ACAN: variants seen among roughly 807,000 people sequenced by gnomAD.
ACAN encodes the protein aggrecan core protein.
Under a neutral mutation model 169.1 loss-of-function variants are expected in ACAN, and 47 were observed. That is an observed-to-expected ratio of 0.28 (90% CI 0.22 to 0.35). The LOEUF (loss-of-function observed/expected upper bound fraction) is 0.35. ACAN is among the 10% of genes least tolerant of loss of function. The pLI, the probability that ACAN is intolerant of heterozygous loss-of-function variation, is 1.00. For synonymous variants in ACAN, 1,115 were observed against 1,112.2 expected, an observed-to-expected ratio of 1.00 and a Z score of -0.05; for missense variants, 2,716 against 2,759.9, an observed-to-expected ratio of 0.98 and a Z score of 0.36.
Position 88,843,496 on chromosome 15 carries a change from G to T in ACAN, c.899G>T (p.Gly300Val). The change falls in exon 6 of 19, where the codon GGC (glycine) becomes GTC (valine). Residue 300 changes from glycine to valine, a missense_variant. Physicochemically the swap from Gly to Val is moderately radical, Grantham distance 109 (BLOSUM62 -3). Transcript: ENST00000560601. This position sits in a 1 kb window ranked among gnomAD's most constrained non-coding sequence, Gnocchi z 4.0. ...GCTGGCATGGACATGTGCAGCGCCG[G>T]CTGGCTGGCCGACCGCAGCGTGCGC... Reference protein sequence around the residue: ...WQAGMDMCSAGWLADRSVRYP... With the variant: ...WQAGMDMCSAVWLADRSVRYP... The T allele has an allele frequency of 6.2e-7, 1 of 1,612,164 alleles. No homozygotes were observed.
chr15:88,862,183 G>C (rs1897207586), intron 13 of ACAN, among the ~76,000 whole-genome samples: 1 of 152,218 alleles, frequency 6.6e-6, no homozygotes, highest in African/African-American at 2.4e-5. Context: ...TGAGGAATCT[G>C]AGGTGGTCGG....
At chr15:88,836,337 C>G in intron 2 of ACAN, 61 bp downstream of exon 2, 1 of 1,422,542 alleles carries the variant, frequency 7.0e-7, no homozygotes, top group Middle Eastern at 1.7e-4. Context: ...GGTTTGAGTA[C>G]TGGGTACTGA....
chr15:88,828,049 A>G (rs12905259), intron 1 of ACAN, among the ~76,000 whole-genome samples: 115,764 of 152,066 alleles, frequency 0.76, 44,919 homozygotes, highest in African/African-American at 0.91. Context: ...CCACAAGCCA[A>G]GATGAGTCTG....
Position 88,868,239 on chromosome 15 carries a change from C to T in ACAN, c.6970C>T (p.Pro2324Ser), listed in dbSNP as rs1192983551. The T allele has an allele frequency of 2.8e-6, 2 of 702,750 alleles. No individual in the cohort carries two copies. Among genetic ancestry groups the T allele is most frequent in the Non-Finnish European group, 5.2e-6 (2 of 384,834 alleles). The allele number at this position is 702,750 out of a possible 1,614,324, so 43.5% of individuals were successfully genotyped here. A position where few individuals can be genotyped will look rare whatever the true frequency, so the allele number is the denominator to read the frequency against. ...NIDIDECLSS[P>S]CLNGATCVDA... is the part of the protein sequence containing the mutation. ...AGACATTGATGAGTGCCTCTCAAGC[C>T]CTTGTCTGAATGGAGCCACCTGCGT... The change falls in exon 14 of 19, where the codon CCT becomes TCT. Residue 2324 changes from proline (P) to serine (S), a missense_variant. Physicochemically the swap from Pro to Ser is moderately conservative, Grantham distance 74. This residue lies in a region of ACAN where 1,389 missense variants were observed against 1,363.7 expected (regional missense o/e 1.02). Coordinates refer to ENST00000560601, the MANE Select transcript of ACAN (RefSeq NM_001369268.1). This position sits in a 1 kb window ranked among gnomAD's most constrained non-coding sequence, Gnocchi z 5.2.
rs1897423017 is a variant in ACAN, at chr15:88,873,108, G to T, written c.7447+83G>T. On this transcript the variant is annotated intron_variant, in intron 17 of 18. Transcript: ENST00000560601. This position sits in a 1 kb window ranked among gnomAD's most constrained non-coding sequence, Gnocchi z 7.5. ...GTGAGGCTCTTGCTGTGTGGCCTGG[G>T]GTGAGTCCCTTGTCTTCTGGCTGCT... 6.6e-7 allele frequency: 1 copy of T among 1,506,034 alleles called. No individual in the cohort carries two copies. The highest frequency in any genetic ancestry group is 1.4e-5 in the African/African-American group (1 of 72,590). 93.3% of individuals were successfully genotyped at this position (1,506,034 alleles called of 1,614,324 possible).
At position 88,803,604 on chromosome 15, in the gene ACAN, T is replaced by A. The variant is rs1045763083; in HGVS notation, c.-213T>A. 6.6e-6 allele frequency: 1 copy of A among 151,976 alleles called. No individual in the cohort carries two copies. The highest frequency in any genetic ancestry group is 2.4e-5 in the African/African-American group (1 of 41,326). 9.4% of individuals were successfully genotyped at this position (151,976 alleles called of 1,614,324 possible). ...GTCCATTCCCTCAGCCAGCCAGGACTCCGCAACCCAGCAGTTGCCGCTGCG... is the reference window on the plus strand; with the variant it reads ...GTCCATTCCCTCAGCCAGCCAGGACACCGCAACCCAGCAGTTGCCGCTGCG... On this transcript the variant is annotated 5_prime_UTR_variant, in exon 1 of 19. Coordinates refer to ENST00000560601, the MANE Select transcript of ACAN (RefSeq NM_001369268.1).
intron 1 of ACAN, among the ~76,000 whole-genome samples, chr15:88,828,978 A>G (rs953867185): frequency 6.6e-5 from 10 of 152,200 alleles, no homozygotes; most frequent in African/African-American, 2.4e-4. Flanking sequence ...CTGTCTTAGC[A>G]CAGAGCTGCT....
At chr15:88,819,398 G>A (rs1036407964) in intron 1 of ACAN, among the ~76,000 whole-genome samples, 3 of 152,050 alleles carry the variant, frequency 2.0e-5, no homozygotes, top group Non-Finnish European at 4.4e-5. Flanking sequence ...TGTTGAACTC[G>A]CTCCATGTGG....
At position 88,871,682 on chromosome 15, in the gene ACAN, C is replaced by A. The variant is rs2141639231; in HGVS notation, c.7219+142C>A. The A allele has an allele frequency of 1.6e-6, 2 of 1,226,976 alleles. No homozygotes were observed. The highest frequency in any genetic ancestry group is 1.1e-6 in the Non-Finnish European group (1 of 900,814). The allele number at this position is 1,226,976 out of a possible 1,614,324, so 76.0% of individuals were successfully genotyped here. A position where few individuals can be genotyped will look rare whatever the true frequency, so the allele number is the denominator to read the frequency against. On this transcript the variant is annotated intron_variant, in intron 15 of 18. Coordinates refer to ENST00000560601, the MANE Select transcript of ACAN (RefSeq NM_001369268.1). The surrounding 1 kb of genome is among the most constrained non-coding windows in gnomAD (Gnocchi z 7.8). ...GGAGGGGGAACAGTGTTCCCACAGT[C>A]TGAGCTCCCAGAGAGAAGACAACGG... is the stretch of plus-strand genomic sequence containing the variant.
At position 88,857,572 on chromosome 15, in the gene ACAN, G is replaced by A; in HGVS notation, c.4987G>A (p.Asp1663Asn). The A allele has an allele frequency of 6.2e-7, 1 of 1,613,944 alleles. No homozygotes were observed. Among genetic ancestry groups the A allele is most frequent in the Non-Finnish European group, 8.5e-7 (1 of 1,179,908 alleles). The change falls in exon 12 of 19, where the codon GAT becomes AAT. Residue 1663 changes from aspartate (D) to asparagine (N), a missense_variant. Physicochemically the swap from Asp to Asn is conservative, Grantham distance 23. Around this residue, in one of 3 missense-constraint regions of ACAN, gnomAD observed 1,389 missense variants for 1,363.7 expected, o/e 1.02. Transcript: ENST00000560601. The stretch of plus-strand genomic sequence containing the variant: ...TGGATTCCCAACTGTTTCCCTAGTG[G>A]ATTCTACATTGGTGGAAGTGGTCAC... ...PSGFPTVSLV[D>N]STLVEVVTAS...
chr15:88,849,218 T>C lies in ACAN; in HGVS notation c.1733-220T>C, dbSNP rs1263394634. 2.6e-5 allele frequency among the ~76,000 whole-genome samples: 4 copies of C among 152,204 alleles called. No homozygotes were observed. The East Asian group carries it at 7.7e-4, about 29-fold the overall frequency. On this transcript the variant is annotated intron_variant, in intron 9 of 18. Transcript: ENST00000560601. This position sits in a 1 kb window ranked among gnomAD's most constrained non-coding sequence, Gnocchi z 5.1. ...GCCTTTTTTGGCACCGAAAGTCCTA[T>C]GTACCGGGAAACCCCAGTCCAGTAC...
chr15:88,842,383 GT>G (rs1216119394), intron 5 of ACAN, among the ~76,000 whole-genome samples: 5 of 152,160 alleles, frequency 3.3e-5, no homozygotes, highest in Non-Finnish European at 7.4e-5. Flanking sequence ...TTTCTGTTTT[GT>G]AAAGGGCACC....
At chr15:88,859,676 A>T (rs1425209270) in intron 12 of ACAN, among the ~76,000 whole-genome samples, 1 of 152,260 alleles carries the variant, frequency 6.6e-6, no homozygotes, top group African/African-American at 2.4e-5. Flanking sequence ...CTCTGCATGC[A>T]GTGCACACTT....
chr15:88,822,136 C>T (rs1896092413), intron 1 of ACAN, among the ~76,000 whole-genome samples: 1 of 152,202 alleles, frequency 6.6e-6, no homozygotes, highest in Admixed American at 6.5e-5. Flanking sequence ...TCCAGTCCCT[C>T]CAGAGGTCAG....
Position 88,858,898 on chromosome 15 carries a change from G to A in ACAN, c.6313G>A (p.Ala2105Thr), listed in dbSNP as rs755552903. 3.5e-5 allele frequency: 57 copies of A among 1,609,084 alleles called. No homozygotes were observed. The highest frequency in any genetic ancestry group is 3.3e-4 in the Middle Eastern group (2 of 6,044). Residue 2105 changes from alanine (A) to threonine (T), a missense_variant, in exon 12 of 19, where the codon GCC becomes ACC. Physicochemically the swap from Ala to Thr is moderately conservative, Grantham distance 58. Transcript: ENST00000560601. The surrounding 1 kb of genome is among the most constrained non-coding windows in gnomAD (Gnocchi z 4.0). ...CCCAGAATCTAGCAGTGAGACGTCC[G>A]CCTATCCTGAAGCTGGGTTCGGGGC... ...SVPESSSETS[A>T]YPEAGFGASA...
At position 88,823,005 on chromosome 15, in the gene ACAN, G is replaced by A. The variant is rs570134895; in HGVS notation, c.-7-13195G>A. Among the ~76,000 whole-genome samples, 15 of 152,268 alleles carry A rather than the reference G, an allele frequency of 9.9e-5. No homozygotes were observed. The South Asian group carries it at 3.1e-3, about 32-fold the overall frequency. On this transcript the variant is annotated intron_variant, in intron 1 of 18. Transcript: ENST00000560601. ...CAGCTATAACTCCACACATCTGATG[G>A]CCCTTTCTGGCAAGCAGGCATTTCC... is the stretch of plus-strand genomic sequence containing the variant.
At chr15:88,818,008 A>G (rs1290558898) in intron 1 of ACAN, among the ~76,000 whole-genome samples, 4 of 152,162 alleles carry the variant, frequency 2.6e-5, no homozygotes, top group East Asian at 3.8e-4. Flanking sequence ...ATAGAATGGA[A>G]TTGTATTCTA....
rs1453771244 is a variant in ACAN, at chr15:88,807,843, C to T, written c.-8+4034C>T. Among the ~76,000 whole-genome samples, 1 of 151,326 alleles carries T rather than the reference C, an allele frequency of 6.6e-6. No individual in the cohort carries two copies. Among genetic ancestry groups the T allele is most frequent in the East Asian group, 2.0e-4 (1 of 5,104 alleles). On this transcript the variant is annotated intron_variant, in intron 1 of 18. Transcript: ENST00000560601. This position sits in a 1 kb window ranked among gnomAD's most constrained non-coding sequence, Gnocchi z 4.0. ...CAGGCCTGTGAGAGGTGACTTCTCT[C>T]CCTCTCAATGGCCTTACAGTGTATC...
At chr15:88,824,334 C>T (rs902024479) in intron 1 of ACAN, among the ~76,000 whole-genome samples, 5 of 150,028 alleles carry the variant, frequency 3.3e-5, no homozygotes, top group Admixed American at 6.6e-5. Flanking sequence ...AAAAAAACAA[C>T]AACAACAACA....
Sources: gnomAD v4.1 joint callset for allele counts (sites outside exome capture counted in the v4.1 genomes callset) on GRCh38, gnomAD v4.1.1 for gene constraint, gnomAD v4.1.1 regional missense constraint, Gnocchi (gnomAD v3.1) non-coding constraint, MANE v1.5 for transcripts, NCBI Gene and HGNC (gene_info 2026-07-23, HGNC 2026-07-21) for gene names.